BDP1: variants seen among roughly 807,000 people sequenced by gnomAD.
BDP1 encodes transcription factor TFIIIB component B'' homolog.
In BDP1, 169 loss-of-function variants were observed where a neutral mutation model predicts 266.6. The observed-to-expected ratio is 0.63, with a 90% confidence interval of 0.56 to 0.72. The LOEUF (loss-of-function observed/expected upper bound fraction) is 0.72, where lower values mean the gene tolerates loss of function less well. Among genes scored for constraint, BDP1 ranks in the 30% least tolerant of loss-of-function variants. The probability of loss-of-function intolerance (pLI) is 0.00; values close to 1 mark genes in which losing one functional copy is unlikely to be tolerated. For missense variants in BDP1, 3,015 were observed against 3,053.8 expected (o/e 0.99, Z 0.30); for synonymous variants, 1,090 against 1,022.4 (o/e 1.07, Z -1.26).
chr5:71,504,863 G>GT, intron 16 of BDP1, 112 bp downstream of exon 16: 3 of 911,116 alleles, frequency 3.3e-6, no homozygotes, highest in Non-Finnish European at 5.1e-6. Context: ...TGCGTGTCTA[G>GT]TTATGTAGTG....
chr5:71,539,548 C>T lies in BDP1; in HGVS notation c.5930-9C>T. 6.3e-7 allele frequency: 1 copy of T among 1,591,794 alleles called. No homozygotes were observed. On this transcript the variant is annotated splice_polypyrimidine_tract_variant and intron_variant, in intron 27 of 38. Transcript: ENST00000358731. ...TCTTTTTTTTAATGTTGATATATTTCCTCACAAGGTACCAATGATGGAAGC... is the reference window on the plus strand; with the variant it reads ...TCTTTTTTTTAATGTTGATATATTTTCTCACAAGGTACCAATGATGGAAGC...
At chr5:71,521,573 T>C (rs546467238) in intron 22 of BDP1, among the ~76,000 whole-genome samples, 33 of 152,288 alleles carry the variant, frequency 2.2e-4, no homozygotes, top group African/African-American at 7.7e-4. Flanking sequence ...ATTACAGGCG[T>C]GAGCCACCGT....
rs144136438 is a variant in BDP1, at chr5:71,548,691, A to C, written c.6754A>C (p.Thr2252Pro). Residue 2252 changes from threonine (T) to proline (P), a missense_variant, in exon 33 of 39, where the codon ACA becomes CCA. By Grantham distance (38) the Thr-to-Pro change is conservative (BLOSUM62 -1). Transcript: ENST00000358731. ...LTLPVPEYTP[T>P]SIPEVQQENI... ...TAATTTTTTATGGCAGTATACACCAACAAGTATTCCAGAAGTCCAACAAGA... is the reference window on the plus strand; with the variant it reads ...TAATTTTTTATGGCAGTATACACCACCAAGTATTCCAGAAGTCCAACAAGA... 1,675 of 1,606,734 alleles carry C rather than the reference A, an allele frequency of 1.0e-3. 22 individuals carry two copies. In the African/African-American group the frequency reaches 0.02, roughly 19 times the overall value.
In BDP1 at chr5:71,461,853, CAG is replaced by C; in HGVS notation, c.529_530del (p.Arg177AlafsTer19). ...AAACAAATATGCTATAAATGAAAGT[CAG>C]AGGCCACCAGATCGTTCAAAAATGA... is the stretch of plus-strand genomic sequence containing the variant. ...WKNKYAINES[Q>X]RPPDRSKMTM... is the part of the protein sequence containing the mutation. On this transcript the variant is annotated frameshift_variant, in exon 3 of 39. Transcript: ENST00000358731. LOFTEE classifies it high-confidence loss of function. 1.2e-6 allele frequency: 2 copies of C among 1,607,606 alleles called. No individual in the cohort carries two copies. The highest frequency in any genetic ancestry group is 1.7e-6 in the Non-Finnish European group (2 of 1,176,078).
rs372249007 is a variant in BDP1, at chr5:71,473,120, A to G, written c.1014+2631A>G. Among the ~76,000 whole-genome samples the G allele has an allele frequency of 9.9e-5, 15 of 151,740 alleles. No individual in the cohort carries two copies. In the South Asian group the frequency reaches 2.9e-3, roughly 29 times the overall value. ...GGCTGGTCTGGGACTCCTGTGCCCAAGTGATCTGCCTGCTTTGGCCTCCCA... is the reference window on the plus strand; with the variant it reads ...GGCTGGTCTGGGACTCCTGTGCCCAGGTGATCTGCCTGCTTTGGCCTCCCA... On this transcript the variant is annotated intron_variant, in intron 7 of 38. Coordinates refer to ENST00000358731, the MANE Select transcript of BDP1 (RefSeq NM_018429.3).
chr5:71,501,690 AAAAG>A (rs772133257), intron 14 of BDP1, 37 bp downstream of exon 14: 2 of 1,168,806 alleles, frequency 1.7e-6, no homozygotes, highest in Non-Finnish European at 2.5e-6. Context: ...AAAAAAAAAA[AAAAG>A]TAACTCTTAG....
At chr5:71,514,378 G>A (rs993735097) in intron 19 of BDP1, among the ~76,000 whole-genome samples, 1 of 152,238 alleles carries the variant, frequency 6.6e-6, no homozygotes, top group Non-Finnish European at 1.5e-5. Flanking sequence ...AAAAATATAT[G>A]TATTCTAAAA....
At chr5:71,522,659 T>TA (rs1374076309) in intron 23 of BDP1, 97 bp from the exon 24 acceptor site, 2 of 1,249,418 alleles carry the variant, frequency 1.6e-6, no homozygotes, top group African/African-American at 3.0e-5. Context: ...TGCTTGTAGA[T>TA]ATGTGTAAAC....
At chr5:71,472,792 A>C (rs1762327058) in intron 7 of BDP1, among the ~76,000 whole-genome samples, 1 of 151,250 alleles carries the variant, frequency 6.6e-6, no homozygotes, top group Non-Finnish European at 1.5e-5. Context: ...GATAGAATTT[A>C]CCTGTGAAAC....
At chr5:71,475,221 C>G (rs550860395) in intron 7 of BDP1, among the ~76,000 whole-genome samples, 1 of 152,124 alleles carries the variant, frequency 6.6e-6, no homozygotes, top group South Asian at 2.1e-4. Flanking sequence ...GATCCTCCCA[C>G]CTCGGCTTCC....
intron 36 of BDP1, among the ~76,000 whole-genome samples, chr5:71,557,243 C>CT (rs1374744687): frequency 6.6e-6 from 1 of 152,118 alleles, no homozygotes; most frequent in Non-Finnish European, 1.5e-5. Flanking sequence ...GGTTCTCACT[C>CT]TGTTACCTAG....
Position 71,515,016 on chromosome 5 carries a change from C to A in BDP1, c.4543C>A (p.Pro1515Thr). Residue 1515 changes from proline (P) to threonine (T), a missense_variant, in exon 20 of 39, where the codon CCA (proline) becomes ACA (threonine). Around this residue, in one of 3 missense-constraint regions of BDP1, gnomAD observed 2,383 missense variants for 2,404.9 expected, o/e 0.99. Transcript: ENST00000358731. ...CAGGAATGAGGAGGCTGTGATATTG[C>A]CATGTACACAGACTGAAAGGAACCT... ...GHRNEEAVILPCTQTERNLSP... is the reference protein window; with the variant it reads ...GHRNEEAVILTCTQTERNLSP... 1 of 1,612,392 alleles carries A rather than the reference C, an allele frequency of 6.2e-7. No individual in the cohort carries two copies. Among genetic ancestry groups the A allele is most frequent in the Non-Finnish European group, 8.5e-7 (1 of 1,179,078 alleles).
In BDP1 at chr5:71,497,445, C is replaced by G; in HGVS notation, c.1956+19C>G. On this transcript the variant is annotated intron_variant, in intron 13 of 38. Coordinates refer to ENST00000358731, the MANE Select transcript of BDP1 (RefSeq NM_018429.3). ...TGAAAAGGTATGGGGTAAGAGATTTCATGGAAATTAAAATTATAAAAATTT... is the reference window on the plus strand; with the variant it reads ...TGAAAAGGTATGGGGTAAGAGATTTGATGGAAATTAAAATTATAAAAATTT... The G allele has an allele frequency of 6.4e-7, 1 of 1,557,364 alleles. No individual in the cohort carries two copies. Among genetic ancestry groups the G allele is most frequent in the South Asian group, 1.2e-5 (1 of 81,950 alleles).
rs1561727136 is a variant in BDP1 at position 71,510,043 on chromosome 5, T to G, written c.2951T>G (p.Leu984Trp). Residue 984 changes from leucine to tryptophan, a missense_variant, in exon 17 of 39, where the codon TTG becomes TGG. Leu to Trp is a moderately conservative substitution (Grantham distance 61). Transcript: ENST00000358731. ...GCCACTGAGGAAATAGACAAAAATT[T>G]GGAAGAAACTGGAAGAAGAAAAATA... is the stretch of plus-strand genomic sequence containing the variant. Reference protein sequence around the residue: ...TDATEEIDKNLEETGRRKISP... With the variant: ...TDATEEIDKNWEETGRRKISP... 6.2e-7 allele frequency: 1 copy of G among 1,609,576 alleles called. No individual in the cohort carries two copies. The highest frequency in any genetic ancestry group is 1.7e-5 in the Admixed American group (1 of 59,538).
At chr5:71,473,818 A>G (rs948596082) in intron 7 of BDP1, among the ~76,000 whole-genome samples, 1 of 150,092 alleles carries the variant, frequency 6.7e-6, no homozygotes, top group Non-Finnish European at 1.5e-5. Flanking sequence ...TCCTAATGCT[A>G]TCCCTCCGCC....
intron 26 of BDP1, among the ~76,000 whole-genome samples, chr5:71,535,202 A>ATT (rs771227527): frequency 1.4e-5 from 2 of 143,954 alleles, no homozygotes; most frequent in African/African-American, 2.5e-5. Flanking sequence ...TAAAATAACA[A>ATT]TTTTTTTTTT....
rs373206727 is a variant in BDP1 at position 71,562,430 on chromosome 5, C to T, written c.7653C>T (p.Ser2551=). 1.2e-6 allele frequency: 2 copies of T among 1,613,662 alleles called. No individual in the cohort carries two copies. Residue 2551 remains serine (S), a synonymous_variant, in exon 38 of 39, where the codon AGC becomes AGT. Transcript: ENST00000358731. The part of the protein sequence containing the change: ...KLKRSNPFNE[S]QEKNRESSDL... ...AAAGATCTAATCCATTCAATGAAAG[C>T]CAGGAAAAAAATCGAGAGTCCTCTG...
chr5:71,548,613 T>C (rs1414679913), intron 32 of BDP1, 69 bp from the exon 33 acceptor site: 1 of 937,338 alleles, frequency 1.1e-6, no homozygotes, highest in Non-Finnish European at 1.8e-6. Context: ...TATATCATAT[T>C]GACAGGAATA....
chr5:71,467,483 TAAAG>T lies in BDP1; in HGVS notation c.916_919del (p.Glu307GlnfsTer6). On this transcript the variant is annotated frameshift_variant and splice_region_variant, in exon 6 of 39. Transcript: ENST00000358731. LOFTEE classifies it high-confidence loss of function. ...ACTATTACTCTAAACCATGGTCAAA[TAAAG>T]GTAACTAATTTTCATTTAAAAATGT... 6.3e-7 allele frequency: 1 copy of T among 1,587,614 alleles called. No homozygotes were observed. The highest frequency in any genetic ancestry group is 8.6e-7 in the Non-Finnish European group (1 of 1,165,744).
Sources: gnomAD v4.1 joint callset for allele counts (sites outside exome capture counted in the v4.1 genomes callset) on GRCh38, gnomAD v4.1.1 for gene constraint, gnomAD v4.1.1 regional missense constraint, MANE v1.5 for transcripts, NCBI Gene and HGNC (gene_info 2026-07-23, HGNC 2026-07-21) for gene names.